THSD4: variants seen among roughly 807,000 people sequenced by gnomAD.
THSD4 encodes the protein thrombospondin type-1 domain-containing protein 4.
Under a neutral mutation model 119.0 loss-of-function variants are expected in THSD4, and 69 were observed. The ratio of observed to expected loss-of-function variants is 0.58; its 90% CI spans 0.48 to 0.71. The LOEUF is 0.71. THSD4 is among the 30% of genes least tolerant of loss of function. The pLI, the probability that THSD4 is intolerant of heterozygous loss-of-function variation, is 0.00. For missense variants in THSD4, 1,393 were observed against 1,391.1 expected, an observed-to-expected ratio of 1.00 and a Z score of -0.02; for synonymous variants, 524 against 540.4, an observed-to-expected ratio of 0.97 and a Z score of 0.42.
intron 7 of THSD4, among the ~76,000 whole-genome samples, chr15:71,640,403 T>C (rs2140961999): frequency 6.6e-6 from 1 of 152,218 alleles, no homozygotes; most frequent in African/African-American, 2.4e-5. Context: ...TAATCCTAAA[T>C]AGTGAAATTA....
intron 15 of THSD4, among the ~76,000 whole-genome samples, chr15:71,758,605 C>T (rs2053582820): frequency 6.6e-6 from 1 of 152,048 alleles, no homozygotes. Context: ...TTACATTTTC[C>T]CTCACTCTTC....
At chr15:71,137,703 C>T (rs531865808) in intron 1 of THSD4, among the ~76,000 whole-genome samples, 51 of 152,176 alleles carry the variant, frequency 3.4e-4, no homozygotes, top group Non-Finnish European at 6.8e-4. Flanking sequence ...CTGGAAACTG[C>T]CAGTGCAAGC....
chr15:71,729,649 G>C (rs1249081787), intron 9 of THSD4: 2 of 152,010 alleles, frequency 1.3e-5, no homozygotes, highest in Admixed American at 1.3e-4. Context: ...CAGTTGGTTG[G>C]TTGAATCTGA....
chr15:71,694,391 A>G (rs2052119616), intron 8 of THSD4, among the ~76,000 whole-genome samples: 1 of 152,212 alleles, frequency 6.6e-6, no homozygotes, highest in Non-Finnish European at 1.5e-5. Context: ...AAGGTCTGGC[A>G]TCTTTCAAGT....
chr15:71,566,553 C>A (rs188757284), intron 7 of THSD4, among the ~76,000 whole-genome samples: 21 of 152,236 alleles, frequency 1.4e-4, no homozygotes, highest in African/African-American at 5.1e-4. Flanking sequence ...TTGAGTGATA[C>A]CGTGCTGCCC....
intron 7 of THSD4, among the ~76,000 whole-genome samples, chr15:71,595,104 A>AAT (rs1271643245): frequency 6.6e-6 from 1 of 152,242 alleles, no homozygotes; most frequent in Non-Finnish European, 1.5e-5. Context: ...TACTAAACTA[A>AAT]ATGTATGAGC....
At chr15:71,731,486 A>G in intron 10 of THSD4, 1 of 435,274 alleles carries the variant, frequency 2.3e-6, no homozygotes, top group Non-Finnish European at 4.3e-6. Flanking sequence ...AATGCTTTAT[A>G]CTAGTTTCCA....
intron 6 of THSD4, among the ~76,000 whole-genome samples, chr15:71,356,774 G>T (rs2045818287): frequency 6.6e-6 from 1 of 152,068 alleles, no homozygotes; most frequent in South Asian, 2.1e-4. Context: ...GTCAGATGGG[G>T]GTCTTTCATA....
upstream of THSD4, among the ~76,000 whole-genome samples, chr15:71,113,376 C>T (rs142118573): frequency 4.6e-5 from 7 of 152,038 alleles, no homozygotes; most frequent in Non-Finnish European, 8.8e-5. Flanking sequence ...TTGGTTATGT[C>T]GGATGTTAAC....
chr15:71,362,712 AG>A (rs1172462351), intron 6 of THSD4, among the ~76,000 whole-genome samples: 2 of 152,202 alleles, frequency 1.3e-5, no homozygotes, highest in Non-Finnish European at 2.9e-5. Context: ...TATGCTCTGG[AG>A]TTACTGCCGA....
intron 7 of THSD4, among the ~76,000 whole-genome samples, chr15:71,428,424 G>A (rs1480745649): frequency 1.3e-5 from 2 of 152,106 alleles, no homozygotes; most frequent in Non-Finnish European, 1.5e-5. Flanking sequence ...TATTGACATA[G>A]GCTCAGACTT....
intron 7 of THSD4, among the ~76,000 whole-genome samples, chr15:71,421,780 C>A (rs1225982890): frequency 6.6e-6 from 1 of 152,190 alleles, no homozygotes; most frequent in Admixed American, 6.5e-5. Context: ...CCTGTACTTA[C>A]TCTGGAAGGC....
At chr15:71,164,712 G>A (rs1367044815) in intron 3 of THSD4, 3 of 1,543,218 alleles carry the variant, frequency 1.9e-6, no homozygotes, top group Admixed American at 2.1e-5. Flanking sequence ...GGAGTGAGTT[G>A]TGTACAGGGG....
At chr15:71,230,541 C>T (rs1231330781) in intron 4 of THSD4, among the ~76,000 whole-genome samples, 5 of 152,322 alleles carry the variant, frequency 3.3e-5, no homozygotes, top group East Asian at 1.9e-4. Context: ...TTTATCTGTG[C>T]GACAGCCAGG....
chr15:71,643,453 C>T (rs900645137), intron 7 of THSD4, among the ~76,000 whole-genome samples: 1 of 152,082 alleles, frequency 6.6e-6, no homozygotes, highest in African/African-American at 2.4e-5. Context: ...TGCTCCTCTC[C>T]TTTCTCCCAC....
At chr15:71,351,835 C>T (rs2045747422) in intron 6 of THSD4, among the ~76,000 whole-genome samples, 1 of 152,234 alleles carries the variant, frequency 6.6e-6, no homozygotes, top group Non-Finnish European at 1.5e-5. Context: ...TATCTCCCTA[C>T]TCCCTTCCAG....
chr15:71,480,149 AC>A (rs1567000123), intron 7 of THSD4, among the ~76,000 whole-genome samples: 1 of 152,098 alleles, frequency 6.6e-6, no homozygotes, highest in Admixed American at 6.5e-5. Context: ...CGATCCTCCC[AC>A]CCAAGCCTCC....
chr15:71,762,369 G>C (rs945781801), intron 15 of THSD4, among the ~76,000 whole-genome samples: 1 of 152,216 alleles, frequency 6.6e-6, no homozygotes, highest in African/African-American at 2.4e-5. Context: ...GCAGTCTTCT[G>C]TTCTGCCACA....
chr15:71,410,185 C>A (rs1262032220), intron 6 of THSD4, among the ~76,000 whole-genome samples: 1 of 152,156 alleles, frequency 6.6e-6, no homozygotes, highest in Non-Finnish European at 1.5e-5. Flanking sequence ...ATTTATCCAT[C>A]CCTTGTTTCA....
Sources: gnomAD v4.1 joint callset for allele counts (sites outside exome capture counted in the v4.1 genomes callset) on GRCh38, gnomAD v4.1.1 for gene constraint, MANE v1.5 for transcripts, NCBI Gene and HGNC (gene_info 2026-07-23, HGNC 2026-07-21) for gene names.